SYTL3: variants seen among roughly 807,000 people sequenced by gnomAD.
The protein encoded by SYTL3 is synaptotagmin-like protein 3.
In SYTL3, 88 loss-of-function variants were observed where a neutral mutation model predicts 82.1. The ratio of observed to expected loss-of-function variants is 1.07; its 90% confidence interval spans 0.90 to 1.28. SYTL3 has a LOEUF of 1.28. Among genes scored for constraint, SYTL3 ranks in the 50% most tolerant of loss-of-function variants. The pLI is 0.00. For missense variants in SYTL3, 831 were observed against 757.6 expected, an observed-to-expected ratio of 1.10 and a Z score of -1.14; for synonymous variants, 311 against 289.4, an observed-to-expected ratio of 1.07 and a Z score of -0.76.
chr6:158,655,165 A>G (rs1788530355), intron 2 of SYTL3, among the ~76,000 whole-genome samples: 1 of 152,194 alleles, frequency 6.6e-6, no homozygotes, highest in Non-Finnish European at 1.5e-5. Flanking sequence ...GAGATGATTA[A>G]CATACAATTT....
rs11361662 is a variant in SYTL3 at position 158,748,845 on chromosome 6, GAA to G, written c.1035-3071_1035-3070del. 8.0e-3 allele frequency among the ~76,000 whole-genome samples: 1,112 copies of G among 138,284 alleles called. 18 individuals carry two copies. The highest frequency in any genetic ancestry group is 7.6e-3 in the Middle Eastern group (2 of 262). The allele number at this position is 138,284 out of a possible 152,430, so 90.7% of individuals were successfully genotyped here. On this transcript the variant is annotated intron_variant, in intron 12 of 17. Coordinates refer to ENST00000611299, the MANE Select transcript of SYTL3 (RefSeq NM_001242394.2). Reference sequence around the variant, plus strand: ...GGGCAACAAGAGCAAAACTCCGCCTGAAAAAAAAAAAAATAGAGAATACTCAA... The same window carrying G: ...GGGCAACAAGAGCAAAACTCCGCCTGAAAAAAAAAAATAGAGAATACTCAA...
intron 5 of SYTL3, among the ~76,000 whole-genome samples, chr6:158,677,601 A>T (rs1778196316): frequency 1.3e-5 from 2 of 149,356 alleles, no homozygotes; most frequent in Non-Finnish European, 3.0e-5. Flanking sequence ...GCTACTTGGG[A>T]GGCTGAGGCG....
At chr6:158,703,108 C>G (rs1364189727) in intron 6 of SYTL3, among the ~76,000 whole-genome samples, 1 of 145,902 alleles carries the variant, frequency 6.9e-6, no homozygotes, top group South Asian at 2.2e-4. Flanking sequence ...GAGCCAAGAT[C>G]GTGCCACTGT....
At chr6:158,692,083 C>A (rs1779943790) in intron 6 of SYTL3, among the ~76,000 whole-genome samples, 1 of 146,888 alleles carries the variant, frequency 6.8e-6, no homozygotes, top group Non-Finnish European at 1.5e-5. Context: ...CGGTGAAACC[C>A]CGTCTCTACT....
At chr6:158,760,288 G>A (rs1789733407) in intron 14 of SYTL3, among the ~76,000 whole-genome samples, 1 of 152,166 alleles carries the variant, frequency 6.6e-6, no homozygotes, top group Non-Finnish European at 1.5e-5. Flanking sequence ...GGGTGGATGG[G>A]GTGGAGGCTT....
intron 2 of SYTL3, among the ~76,000 whole-genome samples, chr6:158,654,606 G>A (rs1053415632): frequency 2.6e-5 from 4 of 152,190 alleles, no homozygotes; most frequent in South Asian, 2.1e-4. Flanking sequence ...GGCTTGCTTT[G>A]TTCTGGCTGT....
In SYTL3 at chr6:158,697,496, A is replaced by G. The variant is rs185468656; in HGVS notation, c.395-9734A>G. ...ACATTGGATCTGATAATGATTTCTT[A>G]GCTATGACAGCAAAGGCACAGGGAA... On this transcript the variant is annotated intron_variant, in intron 6 of 17. Coordinates refer to ENST00000611299, the MANE Select transcript of SYTL3 (RefSeq NM_001242394.2). Among the ~76,000 whole-genome samples, 21 of 152,224 alleles carry G rather than the reference A, an allele frequency of 1.4e-4. No individual in the cohort carries two copies. The East Asian group carries it at 2.7e-3, about 20-fold the overall frequency.
intron 11 of SYTL3, among the ~76,000 whole-genome samples, chr6:158,736,421 A>T (rs1010688998): frequency 6.6e-6 from 1 of 152,220 alleles, no homozygotes; most frequent in East Asian, 1.9e-4. Flanking sequence ...TGCACACAGT[A>T]TTATTCTAAC....
At chr6:158,704,296 T>C (rs1183135600) in intron 6 of SYTL3, among the ~76,000 whole-genome samples, 2 of 152,220 alleles carry the variant, frequency 1.3e-5, no homozygotes, top group African/African-American at 4.8e-5. Flanking sequence ...GGCCCCTCCC[T>C]GGGGCCAGCA....
At chr6:158,707,122 C>A in intron 6 of SYTL3, 108 bp from the exon 7 acceptor site, 1 of 1,145,684 alleles carries the variant, frequency 8.7e-7, no homozygotes, top group Non-Finnish European at 1.3e-6. Context: ...ACTTTTTAAT[C>A]ACAAGAAATG....
chr6:158,738,361 T>C (rs945780097), intron 11 of SYTL3, among the ~76,000 whole-genome samples: 1 of 152,216 alleles, frequency 6.6e-6, no homozygotes, highest in Non-Finnish European at 1.5e-5. Context: ...AAAGAATCAG[T>C]TTGAAATTTC....
intron 14 of SYTL3, 28 bp downstream of exon 14, chr6:158,757,409 C>A: frequency 6.2e-7 from 1 of 1,609,754 alleles, no homozygotes. Context: ...ACTGAGTGCC[C>A]TCCATCCCCA....
At chr6:158,718,307 G>A (rs1286865440) in intron 10 of SYTL3, 96 bp downstream of exon 10, 3 of 1,265,082 alleles carry the variant, frequency 2.4e-6, no homozygotes, top group Non-Finnish European at 3.0e-6. Context: ...TGTTTTCTTT[G>A]GTTTTATAGA....
At chr6:158,713,748 AAC>A in intron 8 of SYTL3, 50 bp from the exon 9 acceptor site, 1 of 1,386,062 alleles carries the variant, frequency 7.2e-7, no homozygotes, top group South Asian at 1.2e-5. Flanking sequence ...TGCTGAGGCA[AAC>A]ACAAGTCATC....
intron 15 of SYTL3, among the ~76,000 whole-genome samples, chr6:158,761,331 T>C (rs1387944287): frequency 4.2e-5 from 4 of 95,416 alleles, no homozygotes; most frequent in Non-Finnish European, 9.3e-5. Context: ...GAGACAGAGT[T>C]TTGCTCTGTC....
chr6:158,656,219 C>T (rs988449965), intron 2 of SYTL3, among the ~76,000 whole-genome samples: 56 of 152,184 alleles, frequency 3.7e-4, no homozygotes, highest in African/African-American at 1.3e-3. Flanking sequence ...CACAACTCCC[C>T]TCTTCTCCCA....
chr6:158,691,845 G>A (rs1779910671), intron 6 of SYTL3, among the ~76,000 whole-genome samples: 1 of 150,860 alleles, frequency 6.6e-6, no homozygotes, highest in Admixed American at 6.6e-5. Context: ...TAGAGACGGG[G>A]TTTCACCGTG....
chr6:158,722,110 C>T (rs2128475167), intron 10 of SYTL3, among the ~76,000 whole-genome samples: 1 of 152,194 alleles, frequency 6.6e-6, no homozygotes, highest in East Asian at 1.9e-4. Context: ...TTGCAAGTGG[C>T]TACACTGAGG....
At chr6:158,688,806 T>C (rs9457428) in intron 6 of SYTL3, among the ~76,000 whole-genome samples, 22,121 of 152,190 alleles carry the variant, frequency 0.15, 2,063 homozygotes, top group South Asian at 0.27. Flanking sequence ...CACATATACA[T>C]AGACTTTTTT....
Sources: allele counts gnomAD v4.1 joint callset (sites outside exome capture counted in the v4.1 genomes callset), GRCh38; gene constraint gnomAD v4.1.1; transcripts MANE v1.5; gene names NCBI Gene and HGNC (gene_info 2026-07-23, HGNC 2026-07-21).